RAB38: variants seen among roughly 807,000 people sequenced by gnomAD.
RAB38 encodes the protein ras-related protein Rab-38.
Under a neutral mutation model 18.4 loss-of-function variants are expected in RAB38, and 15 were observed. That is an observed-to-expected ratio of 0.82 (90% confidence interval 0.55 to 1.26). RAB38 has a LOEUF of 1.26. Among genes scored for constraint, RAB38 ranks in the 50% most tolerant of loss-of-function variants. The probability of loss-of-function intolerance (pLI) is 0.00; values close to 1 mark genes in which losing one functional copy is unlikely to be tolerated. For missense variants in RAB38, 294 were observed against 267.4 expected (o/e 1.10, Z -0.69); for synonymous variants, 101 against 104.4 (o/e 0.97, Z 0.20).
intron 1 of RAB38, among the ~76,000 whole-genome samples, chr11:88,168,102 A>G (rs752527317): frequency 1.1e-4 from 16 of 152,160 alleles, no homozygotes; most frequent in Non-Finnish European, 2.2e-4. Context: ...GCTTAACACC[A>G]AACCACTTTT....
the RAB38 span, among the ~76,000 whole-genome samples, chr11:87,839,978 A>G: frequency 6.6e-6 from 1 of 152,326 alleles, no homozygotes; most frequent in African/African-American, 2.4e-5. Context: ...GATGAAAACA[A>G]AAGAACAAGA....
rs1943043157 is a variant in RAB38 at position 88,149,910 on chromosome 11, G to C, written c.248C>G (p.Ala83Gly). Residue 83 changes from alanine (A) to glycine (G), a missense_variant, in exon 2 of 3, where the codon GCT (alanine) becomes GGT (glycine). Transcript: ENST00000243662. The part of the protein sequence containing the change: ...GNMTRVYYRE[A>G]MGAFIVFDVT... The stretch of plus-strand genomic sequence containing the variant: ...ATCGAAGACAATAAATGCACCCATA[G>C]CTTCTCGGTAATAGACCCTCGTCAT... The C allele has an allele frequency of 6.2e-7, 1 of 1,614,026 alleles. No individual in the cohort carries two copies. The highest frequency in any genetic ancestry group is 8.5e-7 in the Non-Finnish European group (1 of 1,179,986).
the RAB38 span, among the ~76,000 whole-genome samples, chr11:87,829,430 T>G: frequency 6.6e-6 from 1 of 152,138 alleles, no homozygotes; most frequent in Admixed American, 6.6e-5. Context: ...CAGTTCCCCA[T>G]GGCTGGAGAG....
At chr11:88,014,012 T>C in the RAB38 span, among the ~76,000 whole-genome samples, 1 of 152,138 alleles carries the variant, frequency 6.6e-6, no homozygotes, top group Non-Finnish European at 1.5e-5. Flanking sequence ...GTAGCTATTA[T>C]TGTTATGGTA....
At chr11:87,886,898 T>C in the RAB38 span, among the ~76,000 whole-genome samples, 59,610 of 150,496 alleles carry the variant, frequency 0.4, 14,331 homozygotes, top group Non-Finnish European at 0.54. Flanking sequence ...TCAATGGATA[T>C]ATATTGCATC....
the RAB38 span, among the ~76,000 whole-genome samples, chr11:87,950,103 GT>G: frequency 5.9e-4 from 90 of 152,280 alleles, no homozygotes; most frequent in Non-Finnish European, 1.1e-3. Flanking sequence ...ATTTAGGATA[GT>G]TACCTCTTCT....
chr11:87,844,121 G>T, the RAB38 span, among the ~76,000 whole-genome samples: 1 of 152,004 alleles, frequency 6.6e-6, no homozygotes, highest in East Asian at 1.9e-4. Flanking sequence ...TTTGCGTTTT[G>T]CATTATGCTC....
the RAB38 span, among the ~76,000 whole-genome samples, chr11:88,068,861 C>T: frequency 7.9e-4 from 120 of 152,338 alleles, no homozygotes; most frequent in Non-Finnish European, 1.4e-3. Context: ...ACATCAAGCT[C>T]TCCTGGGTAT....
chr11:88,025,430 G>C, the RAB38 span, among the ~76,000 whole-genome samples: 13 of 152,202 alleles, frequency 8.5e-5, no homozygotes, highest in African/African-American at 3.1e-4. Flanking sequence ...TGGTAGCTCT[G>C]CTTTACGCTC....
At chr11:87,976,559 T>A in the RAB38 span, among the ~76,000 whole-genome samples, 1 of 124,272 alleles carries the variant, frequency 8.0e-6, no homozygotes, top group Non-Finnish European at 1.6e-5. Context: ...TATATACTTA[T>A]ATAACTATAC....
the RAB38 span, among the ~76,000 whole-genome samples, chr11:88,034,641 A>C: frequency 1.3e-5 from 2 of 152,184 alleles, no homozygotes; most frequent in African/African-American, 4.8e-5. Context: ...CCATCTGTAT[A>C]TCCTCTTTGG....
the RAB38 span, among the ~76,000 whole-genome samples, chr11:88,028,360 C>G: frequency 6.6e-6 from 1 of 152,192 alleles, no homozygotes; most frequent in South Asian, 2.1e-4. Context: ...TCACCAGAAA[C>G]GGAACAAAGC....
chr11:87,930,571 T>G, the RAB38 span, among the ~76,000 whole-genome samples: 27 of 152,316 alleles, frequency 1.8e-4, no homozygotes, highest in African/African-American at 5.5e-4. Context: ...TTAGTTTAAT[T>G]AGATCCCATT....
intron 2 of RAB38, among the ~76,000 whole-genome samples, chr11:88,121,258 G>T (rs1942624792): frequency 6.6e-6 from 1 of 152,150 alleles, no homozygotes; most frequent in Non-Finnish European, 1.5e-5. Context: ...CTAGATCCAA[G>T]CACAGTGCCT....
the RAB38 span, among the ~76,000 whole-genome samples, chr11:87,921,513 T>G: frequency 1.3e-5 from 2 of 150,172 alleles, no homozygotes. Context: ...CTTATGGGTT[T>G]ATTGAGAAAT....
At chr11:88,031,354 A>G in the RAB38 span, among the ~76,000 whole-genome samples, 3 of 148,288 alleles carry the variant, frequency 2.0e-5, no homozygotes, top group South Asian at 6.6e-4. Flanking sequence ...CTCCTATTCA[A>G]CATAGTGTTG....
At chr11:88,085,907 G>A in the RAB38 span, among the ~76,000 whole-genome samples, 1 of 151,840 alleles carries the variant, frequency 6.6e-6, no homozygotes, top group East Asian at 1.9e-4. Flanking sequence ...CCTGAAATTA[G>A]GATTCTTGGT....
At chr11:87,960,977 C>T in the RAB38 span, among the ~76,000 whole-genome samples, 5 of 152,154 alleles carry the variant, frequency 3.3e-5, no homozygotes, top group African/African-American at 1.2e-4. Context: ...CAAATCATTC[C>T]TGAACAGAGA....
chr11:88,174,620 CA>C (rs60026669), intron 1 of RAB38, among the ~76,000 whole-genome samples: 2,206 of 101,096 alleles, frequency 0.022, 12 homozygotes, highest in African/African-American at 0.038. Context: ...AAGCAAAAAG[CA>C]AAAAAAAAAA....
Sources: gnomAD v4.1 joint callset for allele counts (sites outside exome capture counted in the v4.1 genomes callset) on GRCh38, gnomAD v4.1.1 for gene constraint, MANE v1.5 for transcripts, NCBI Gene and HGNC (gene_info 2026-07-23, HGNC 2026-07-21) for gene names.